Variants in RAB11FIP4 observed in about 807,000 individuals in gnomAD.
The protein encoded by RAB11FIP4 is RAB11 family interacting protein 4, also known as rab11 family-interacting protein 4.
Under a neutral mutation model 74.3 loss-of-function variants are expected in RAB11FIP4, and 23 were observed. The observed-to-expected ratio is 0.31, with a 90% CI of 0.22 to 0.44. RAB11FIP4 has a LOEUF of 0.44. RAB11FIP4 is among the 20% of genes least tolerant of loss of function. The pLI is 1.00. For missense variants in RAB11FIP4, 630 were observed against 863.9 expected, an observed-to-expected ratio of 0.73 and a Z score of 3.39; for synonymous variants, 360 against 359.9, an observed-to-expected ratio of 1.00 and a Z score of 0.00.
At chr17:31,505,939 TG>T (rs2072340924) in intron 3 of RAB11FIP4, among the ~76,000 whole-genome samples, 1 of 150,116 alleles carries the variant, frequency 6.7e-6, no homozygotes, top group Non-Finnish European at 1.5e-5. Context: ...CTGGAGCTCC[TG>T]GCCACCTGCC....
Position 31,522,447 on chromosome 17 carries a change from A to C in RAB11FIP4, c.929+52A>C, listed in dbSNP as rs765237184. ...ATTGAGTGCTGTCCCCATGCTGCCC[A>C]CTGGCCGGGGCTCCCTGCCAGCAGC... On this transcript the variant is annotated intron_variant, in intron 7 of 14. Transcript: ENST00000621161. The C allele has an allele frequency of 2.7e-5, 42 of 1,578,552 alleles. 1 individual carries two copies. The South Asian group carries it at 3.7e-4, about 14-fold the overall frequency.
intron 1 of RAB11FIP4, among the ~76,000 whole-genome samples, chr17:31,415,772 G>A (rs2071141462): frequency 6.6e-6 from 1 of 152,090 alleles, no homozygotes; most frequent in South Asian, 2.1e-4. Flanking sequence ...ATTCTCAGAG[G>A]GTCTCAGGGA....
rs143399001 is a variant in RAB11FIP4, at chr17:31,416,416, G to A, written c.160-15397G>A. Among the ~76,000 whole-genome samples the A allele has an allele frequency of 7.7e-4, 118 of 152,330 alleles. 2 individuals carry two copies. In the East Asian group the frequency reaches 0.021, roughly 27 times the overall value. ...AACTGGAAGGACCCACTTTGGAAAT[G>A]CCTCCCTCATCCCTTGTCTCAGGCC... On this transcript the variant is annotated intron_variant, in intron 1 of 14. Coordinates refer to ENST00000621161, the MANE Select transcript of RAB11FIP4 (RefSeq NM_032932.6).
At chr17:31,421,345 A>G (rs2071197495) in intron 1 of RAB11FIP4, among the ~76,000 whole-genome samples, 1 of 151,726 alleles carries the variant, frequency 6.6e-6, no homozygotes, top group African/African-American at 2.4e-5. Context: ...CAGCCTCTCA[A>G]GTAGCTGGGA....
At chr17:31,402,842 GT>G (rs1184457618) in intron 1 of RAB11FIP4, among the ~76,000 whole-genome samples, 1 of 151,734 alleles carries the variant, frequency 6.6e-6, no homozygotes, top group East Asian at 1.9e-4. Flanking sequence ...AGCCAGGATG[GT>G]CTCGATCTCC....
At chr17:31,434,712 T>C (rs1050389155) in intron 3 of RAB11FIP4, among the ~76,000 whole-genome samples, 2 of 152,154 alleles carry the variant, frequency 1.3e-5, no homozygotes, top group East Asian at 1.9e-4. Flanking sequence ...CAGGAAATGG[T>C]TGTACTTACG....
At chr17:31,500,259 G>A (rs964431528) in intron 3 of RAB11FIP4, among the ~76,000 whole-genome samples, 5 of 152,122 alleles carry the variant, frequency 3.3e-5, no homozygotes, top group Non-Finnish European at 5.9e-5. Flanking sequence ...GCTCTAGACC[G>A]CTGTGGAGTG....
chr17:31,519,007 C>CTTTTTTTTTT, intron 4 of RAB11FIP4, among the ~76,000 whole-genome samples: 1 of 73,980 alleles, frequency 1.4e-5, no homozygotes, highest in African/African-American at 5.2e-5. Flanking sequence ...TAAGTTTTGT[C>CTTTTTTTTTT]TTTTTTTTTT....
intron 3 of RAB11FIP4, among the ~76,000 whole-genome samples, chr17:31,505,458 T>TATATA (rs1236942315): frequency 3.6e-4 from 31 of 85,730 alleles, no homozygotes; most frequent in African/African-American, 1.2e-3. Flanking sequence ...TAATAATTAT[T>TATATA]ATAACATATA....
chr17:31,508,498 A>G (rs915166545), intron 3 of RAB11FIP4, among the ~76,000 whole-genome samples: 1 of 152,192 alleles, frequency 6.6e-6, no homozygotes, highest in Non-Finnish European at 1.5e-5. Flanking sequence ...CACAGGGGCC[A>G]AGGGCTGGAC....
At chr17:31,528,914 C>T (rs2074150) in intron 13 of RAB11FIP4, 136 bp downstream of exon 13, 2 of 995,006 alleles carry the variant, frequency 2.0e-6, no homozygotes, top group Middle Eastern at 3.2e-4. Context: ...ACCTGTTTGC[C>T]AGGGCTGACT....
Position 31,394,948 on chromosome 17 carries a change from G to GGGT in RAB11FIP4, c.159+2939_159+2940insTGG, listed in dbSNP as rs1555540522. Among the ~76,000 whole-genome samples the GGGT allele has an allele frequency of 5.8e-3, 768 of 131,552 alleles. 11 individuals are homozygous for GGGT. Among genetic ancestry groups the GGGT allele is most frequent in the African/African-American group, 0.02 (720 of 35,260 alleles). 86.3% of individuals were successfully genotyped at this position (131,552 alleles called of 152,430 possible). On this transcript the variant is annotated intron_variant, in intron 1 of 14. Transcript: ENST00000621161. ...TGGGGTGGCGGGGGGCGGGGGGGGG[G>GGGT]GGCTCCCTTACGAAATGCAGTGTAC... is the stretch of plus-strand genomic sequence containing the variant.
At chr17:31,474,712 G>A (rs186171493) in intron 3 of RAB11FIP4, among the ~76,000 whole-genome samples, 288 of 151,202 alleles carry the variant, frequency 1.9e-3, no homozygotes, top group Non-Finnish European at 3.1e-3. Context: ...GGAGAGATCC[G>A]GTGCCTGTAA....
intron 11 of RAB11FIP4, among the ~76,000 whole-genome samples, 172 bp from the exon 12 acceptor site, chr17:31,528,234 A>T (rs1309765780): frequency 6.6e-6 from 1 of 152,244 alleles, no homozygotes; most frequent in African/African-American, 2.4e-5. Context: ...TTCTAGAATC[A>T]TCGGGGCTCT....
intron 3 of RAB11FIP4, among the ~76,000 whole-genome samples, chr17:31,490,303 C>T (rs1050906175): frequency 6.6e-6 from 1 of 152,152 alleles, no homozygotes; most frequent in African/African-American, 2.4e-5. Context: ...CATCTGTACC[C>T]GTAGGTATCT....
intron 5 of RAB11FIP4, 136 bp from the exon 6 acceptor site, chr17:31,521,779 A>G: frequency 2.1e-6 from 2 of 968,382 alleles, no homozygotes; most frequent in South Asian, 1.6e-5. Context: ...CTGTTGCTAT[A>G]TTTCCACTCC....
At chr17:31,395,241 C>T (rs574714384) in intron 1 of RAB11FIP4, among the ~76,000 whole-genome samples, 1 of 152,150 alleles carries the variant, frequency 6.6e-6, no homozygotes, top group South Asian at 2.1e-4. Context: ...AATTATTGAA[C>T]AGATGATAAT....
intron 3 of RAB11FIP4, among the ~76,000 whole-genome samples, chr17:31,505,400 A>G (rs2072298288): frequency 8.5e-6 from 1 of 117,680 alleles, no homozygotes; most frequent in Admixed American, 1.3e-4. Context: ...TAATAATAAT[A>G]ATATATAATA....
chr17:31,527,329 G>A (rs117588835), intron 10 of RAB11FIP4: 2,095 of 152,764 alleles, frequency 0.014, 20 homozygotes, highest in Non-Finnish European at 0.02. Context: ...GCCACGTGTG[G>A]TGGCTCACTC....
Sources: allele counts gnomAD v4.1 joint callset (sites outside exome capture counted in the v4.1 genomes callset), GRCh38; gene constraint gnomAD v4.1.1; transcripts MANE v1.5; gene names NCBI Gene and HGNC (gene_info 2026-07-23, HGNC 2026-07-21).